MCM9: variants seen among roughly 807,000 people sequenced by gnomAD.
MCM9 encodes DNA helicase MCM9.
MCM9 carries 55 observed loss-of-function variants against 72.8 expected under a neutral mutation model. The observed-to-expected ratio is 0.76, with a 90% CI of 0.61 to 0.95. The LOEUF is 0.95. MCM9 is among the 40% of genes least tolerant of loss of function. The pLI, the probability that MCM9 is intolerant of heterozygous loss-of-function variation, is 0.00. For synonymous variants in MCM9, 480 were observed against 503.4 expected (o/e 0.95, Z 0.62); for missense variants, 1,279 against 1,377.0 (o/e 0.93, Z 1.13).
intron 9 of MCM9, among the ~76,000 whole-genome samples, chr6:118,854,757 G>T (rs779218874): frequency 6.6e-6 from 1 of 152,220 alleles, no homozygotes; most frequent in East Asian, 1.9e-4. Context: ...TACATTTTCT[G>T]CATCTATTGG....
Position 118,921,941 on chromosome 6 carries a change from G to C in MCM9, c.703+64C>G, listed in dbSNP as rs572092741. 2.4e-6 allele frequency: 3 copies of C among 1,241,236 alleles called. No individual in the cohort carries two copies. The East Asian group carries it at 7.1e-5, about 30-fold the overall frequency. 76.9% of individuals were successfully genotyped at this position (1,241,236 alleles called of 1,614,324 possible). A position where few individuals can be genotyped will look rare whatever the true frequency, so the allele number is the denominator to read the frequency against. Reference sequence around the variant, plus strand: ...AGTGATCTTGGGAAAATAAAAAGTGGCTTTTCCTAATCAATACTTTAGGAC... The same window carrying C: ...AGTGATCTTGGGAAAATAAAAAGTGCCTTTTCCTAATCAATACTTTAGGAC... On this transcript the variant is annotated intron_variant, in intron 5 of 13. Coordinates refer to ENST00000619706, the MANE Select transcript of MCM9 (RefSeq NM_017696.3).
intron 8 of MCM9, among the ~76,000 whole-genome samples, chr6:118,872,941 A>G (rs36167965): frequency 0.73 from 110,695 of 151,724 alleles, 41,421 homozygotes; most frequent in South Asian, 0.83. Flanking sequence ...AGCTGAGGTG[A>G]GAGGATCTCT....
rs537641831 is a variant in MCM9 at position 118,883,416 on chromosome 6, A to G, written c.1151-26871T>C. 4.0e-5 allele frequency among the ~76,000 whole-genome samples: 6 copies of G among 149,704 alleles called. No homozygotes were observed. In the East Asian group the frequency reaches 1.2e-3, roughly 29 times the overall value. ...AGGGGAACTAAAAGGAGTAGAAAAA[A>G]AGTTAGAAAAAAATGACTGAAAACT... On this transcript the variant is annotated intron_variant, in intron 8 of 13. Coordinates refer to ENST00000619706, the MANE Select transcript of MCM9 (RefSeq NM_017696.3).
intron 3 of MCM9, among the ~76,000 whole-genome samples, chr6:118,928,221 G>C (rs1782062010): frequency 6.6e-6 from 1 of 152,058 alleles, no homozygotes; most frequent in African/African-American, 2.4e-5. Context: ...AACCAGGCTG[G>C]CCAACATCGT....
At chr6:118,880,884 T>TA (rs1778242545) in intron 8 of MCM9, among the ~76,000 whole-genome samples, 1 of 152,204 alleles carries the variant, frequency 6.6e-6, no homozygotes, top group South Asian at 2.1e-4. Flanking sequence ...CCACAGGGGA[T>TA]ACGTTCCAAG....
chr6:118,911,325 T>C (rs946094658), intron 8 of MCM9: 10 of 1,044,400 alleles, frequency 9.6e-6, no homozygotes, highest in African/African-American at 5.1e-5. Flanking sequence ...AATATCCCCC[T>C]CTTTAGTTTA....
intron 8 of MCM9, among the ~76,000 whole-genome samples, chr6:118,895,227 G>A (rs1233500071): frequency 5.5e-4 from 83 of 151,924 alleles, no homozygotes; most frequent in Non-Finnish European, 1.3e-4. Context: ...CGCTCCCCGG[G>A]GGCCGTGGGT....
rs1004348126 is a variant in MCM9, at chr6:118,869,302, C to G, written c.1151-12757G>C. ...GGAAGGATAGCATTAGGAGAAATACCCAATGTAAATGATGAGTTGATGGGT... is the reference window on the plus strand; with the variant it reads ...GGAAGGATAGCATTAGGAGAAATACGCAATGTAAATGATGAGTTGATGGGT... On this transcript the variant is annotated intron_variant, in intron 8 of 13. Transcript: ENST00000619706. Among the ~76,000 whole-genome samples the G allele has an allele frequency of 5.1e-4, 78 of 152,032 alleles. 3 individuals carry two copies. Among genetic ancestry groups the G allele is most frequent in the Non-Finnish European group, 2.5e-4 (17 of 67,994 alleles).
At chr6:118,904,343 A>G (rs1947393749) in intron 8 of MCM9, among the ~76,000 whole-genome samples, 1 of 152,210 alleles carries the variant, frequency 6.6e-6, no homozygotes, top group East Asian at 1.9e-4. Context: ...TGTTAGGCAT[A>G]CAGTAAACAA....
In MCM9 at chr6:118,829,050, T is replaced by G. The variant is rs1432854031; in HGVS notation, c.1526A>C (p.Lys509Thr). The change falls in exon 10 of 14, where the codon AAA (lysine) becomes ACA (threonine). Residue 509 changes from lysine to threonine, a missense_variant and splice_region_variant. Physicochemically the swap from Lys to Thr is moderately conservative, Grantham distance 78 (BLOSUM62 -1). Transcript: ENST00000619706. ...ATGCTTTGTTTGTCTTCACGTACCT[T>G]TATTTTCTAAGATAAAGGAGGAAAT... ...RIISSFILENKGYPSKSEKLW... is the reference protein window; with the variant it reads ...RIISSFILENTGYPSKSEKLW... 1.9e-6 allele frequency: 3 copies of G among 1,550,442 alleles called. No individual in the cohort carries two copies. The highest frequency in any genetic ancestry group is 2.6e-6 in the Non-Finnish European group (3 of 1,146,914).
At chr6:118,895,884 T>C (rs1779364934) in intron 8 of MCM9, among the ~76,000 whole-genome samples, 2 of 152,082 alleles carry the variant, frequency 1.3e-5, no homozygotes, top group African/African-American at 4.8e-5. Flanking sequence ...GTATATATCA[T>C]ATGTAAGGTT....
chr6:118,858,331 CA>C (rs1776693640), intron 8 of MCM9, among the ~76,000 whole-genome samples: 3 of 152,190 alleles, frequency 2.0e-5, no homozygotes, highest in African/African-American at 7.2e-5. Flanking sequence ...ATAAAACTCT[CA>C]AAAAATTAGG....
intron 9 of MCM9, among the ~76,000 whole-genome samples, chr6:118,846,107 A>G (rs1326051656): frequency 1.3e-5 from 2 of 151,916 alleles, no homozygotes; most frequent in Non-Finnish European, 2.9e-5. Context: ...ATAATATAAG[A>G]AAGAATAACT....
At chr6:118,838,568 G>A (rs1047792129) in intron 9 of MCM9, among the ~76,000 whole-genome samples, 2 of 151,920 alleles carry the variant, frequency 1.3e-5, no homozygotes, top group Admixed American at 6.5e-5. Context: ...GGGACTACAG[G>A]CACCCGCCAC....
chr6:118,875,495 G>T (rs147038142), intron 8 of MCM9, among the ~76,000 whole-genome samples: 2,734 of 152,016 alleles, frequency 0.018, 33 homozygotes, highest in Middle Eastern at 0.048. Context: ...AACTAGCCAG[G>T]CATGGTGGCA....
At chr6:118,859,648 C>A (rs577134414) in intron 8 of MCM9, among the ~76,000 whole-genome samples, 26 of 152,230 alleles carry the variant, frequency 1.7e-4, no homozygotes, top group African/African-American at 6.3e-4. Flanking sequence ...CATAGGGAAA[C>A]CCCTAGATTT....
chr6:118,830,222 G>C (rs944064391), intron 9 of MCM9, among the ~76,000 whole-genome samples: 4 of 152,154 alleles, frequency 2.6e-5, no homozygotes, highest in African/African-American at 9.7e-5. Context: ...CTGTGCACTT[G>C]ATGCCCATTT....
chr6:118,890,546 C>T (rs1470162476), intron 8 of MCM9, among the ~76,000 whole-genome samples: 6 of 152,154 alleles, frequency 3.9e-5, no homozygotes, highest in African/African-American at 1.2e-4. Flanking sequence ...GTTACCTTTC[C>T]TACTGAACCA....
Position 118,825,417 on chromosome 6 carries a change from AT to A in MCM9, c.1961+729del, listed in dbSNP as rs201873647. ...CTGTGAGAAGGAAGAATTCTCAAGG[AT>A]TTTTTTTTAACGTAGTCAACAGTCT... On this transcript the variant is annotated intron_variant, in intron 13 of 13. Coordinates refer to ENST00000619706, the MANE Select transcript of MCM9 (RefSeq NM_017696.3). Among the ~76,000 whole-genome samples, 8 of 151,712 alleles carry A rather than the reference AT, an allele frequency of 5.3e-5. No individual in the cohort carries two copies. The South Asian group carries it at 6.3e-4, about 12-fold the overall frequency.
Sources: allele counts gnomAD v4.1 joint callset (sites outside exome capture counted in the v4.1 genomes callset), GRCh38; gene constraint gnomAD v4.1.1; transcripts MANE v1.5; gene names NCBI Gene and HGNC (gene_info 2026-07-23, HGNC 2026-07-21).